DNAJB12: variants seen among roughly 807,000 people sequenced by gnomAD.
The protein encoded by DNAJB12 is DnaJ heat shock protein family (Hsp40) member B12.
A neutral mutation model predicts 40.6 loss-of-function variants in DNAJB12; 14 were observed. The ratio of observed to expected loss-of-function variants is 0.34; its 90% CI spans 0.23 to 0.54. DNAJB12 has a LOEUF of 0.54. DNAJB12 is among the 20% of genes least tolerant of loss of function. The probability of loss-of-function intolerance (pLI) is 0.92; values close to 1 mark genes in which losing one functional copy is unlikely to be tolerated. For missense variants in DNAJB12, 444 were observed against 501.7 expected (o/e 0.89, Z 1.10); for synonymous variants, 181 against 199.5 (o/e 0.91, Z 0.78).
rs1461121349 is a variant in DNAJB12, at chr10:72,333,702, T to C, written c.*946A>G. ...TAGATCCTGGCCCCCTCTGCAGGCC[T>C]TCCCTTCTGTGGGCAGGGGGCTGGA... On this transcript the variant is annotated 3_prime_UTR_variant, in exon 9 of 9. Transcript: ENST00000444643. 2 of 152,690 alleles carry C rather than the reference T, an allele frequency of 1.3e-5. No homozygotes were observed. Among genetic ancestry groups the C allele is most frequent in the Admixed American group, 6.5e-5 (1 of 15,274 alleles). The allele number at this position is 152,690 out of a possible 1,614,324, so 9.5% of individuals were successfully genotyped here. A position where few individuals can be genotyped will look rare whatever the true frequency, so the allele number is the denominator to read the frequency against.
Position 72,334,575 on chromosome 10 carries a change from G to A in DNAJB12, c.*73C>T. The A allele has an allele frequency of 6.5e-7, 1 of 1,535,304 alleles. No homozygotes were observed. The highest frequency in any genetic ancestry group is 8.7e-7 in the Non-Finnish European group (1 of 1,146,646). On this transcript the variant is annotated 3_prime_UTR_variant, in exon 9 of 9. Transcript: ENST00000444643. ...CCTCAAATATACAGTCCATCACCTT[G>A]GCTCAGTGCATGTCACCAAAAATTC...
At chr10:72,350,931 T>C (rs1861920298) in intron 1 of DNAJB12, among the ~76,000 whole-genome samples, 1 of 152,202 alleles carries the variant, frequency 6.6e-6, no homozygotes, top group Non-Finnish European at 1.5e-5. Flanking sequence ...CTCTCACTCC[T>C]GGACTCTGAA....
Position 72,338,557 on chromosome 10 carries a change from C to A in DNAJB12, c.724-246G>T, listed in dbSNP as rs1187837561. ...TCTGCATTTACTTTTGACAGAATGC[C>A]AAAAAAAAAAAAAAATCAGCAAAAG... On this transcript the variant is annotated intron_variant, in intron 5 of 8. Coordinates refer to ENST00000444643, the MANE Select transcript of DNAJB12 (RefSeq NM_017626.7). 4.0e-3 allele frequency among the ~76,000 whole-genome samples: 487 copies of A among 121,492 alleles called. 2 individuals are homozygous for A. Among genetic ancestry groups the A allele is most frequent in the African/African-American group, 0.011 (381 of 34,258 alleles). The allele number at this position is 121,492 out of a possible 152,430, so 79.7% of individuals were successfully genotyped here.
At chr10:72,347,517 T>A (rs1861821727) in intron 1 of DNAJB12, among the ~76,000 whole-genome samples, 1 of 152,244 alleles carries the variant, frequency 6.6e-6, no homozygotes, top group Non-Finnish European at 1.5e-5. Flanking sequence ...TTGCTATTTT[T>A]CACATTTTTC....
At chr10:72,345,628 T>C (rs1861766219) in intron 1 of DNAJB12, among the ~76,000 whole-genome samples, 2 of 148,862 alleles carry the variant, frequency 1.3e-5, no homozygotes, top group African/African-American at 2.5e-5. Flanking sequence ...ATCCCAGCAC[T>C]TTGGGAGGCT....
Position 72,354,681 on chromosome 10 carries a change from TC to T in DNAJB12, c.133+83del, listed in dbSNP as rs1330078531. ...AGCCGCGCCTCGCCACCCCTCCCCCTCCCCCAACTGCTCCCGTCGGTCCGTT... is the reference window on the plus strand; with the variant it reads ...AGCCGCGCCTCGCCACCCCTCCCCCTCCCCAACTGCTCCCGTCGGTCCGTT... On this transcript the variant is annotated intron_variant, in intron 1 of 8. Transcript: ENST00000444643. 38 of 866,838 alleles carry T rather than the reference TC, an allele frequency of 4.4e-5. No individual in the cohort carries two copies. In the Middle Eastern group the frequency reaches 2.2e-3, roughly 49 times the overall value. The allele number at this position is 866,838 out of a possible 1,614,324, so 53.7% of individuals were successfully genotyped here. A position where few individuals can be genotyped will look rare whatever the true frequency, so the allele number is the denominator to read the frequency against.
In DNAJB12 at chr10:72,335,142, G is replaced by T. The variant is rs1444249825; in HGVS notation, c.*31-525C>A. The T allele has an allele frequency of 1.3e-5, 13 of 988,792 alleles. No individual in the cohort carries two copies. The highest frequency in any genetic ancestry group is 4.6e-5 in the South Asian group (1 of 21,912). 61.3% of individuals were successfully genotyped at this position (988,792 alleles called of 1,614,324 possible). A position where few individuals can be genotyped will look rare whatever the true frequency, so the allele number is the denominator to read the frequency against. The stretch of plus-strand genomic sequence containing the variant: ...GCCTGTGGCTTCCAGGCTGCCAGGT[G>T]TGACGGCATTCGAGAGAGTGCCTCA... On this transcript the variant is annotated intron_variant, in intron 8 of 8. Transcript: ENST00000444643. This position sits in a 1 kb window ranked among gnomAD's most constrained non-coding sequence, Gnocchi z 4.4.
At chr10:72,344,854 G>T in intron 2 of DNAJB12, 96 bp downstream of exon 2, 1 of 1,445,486 alleles carries the variant, frequency 6.9e-7, no homozygotes, top group Non-Finnish European at 9.7e-7. Flanking sequence ...AGGGCCCTGT[G>T]CTGCCCACAG....
intron 3 of DNAJB12, among the ~76,000 whole-genome samples, chr10:72,341,921 T>C (rs1032954633): frequency 1.3e-5 from 2 of 152,226 alleles, no homozygotes; most frequent in African/African-American, 4.8e-5. Context: ...TCAAGTTCTC[T>C]CTCCGACTTT....
rs1252706090 is a variant in DNAJB12, at chr10:72,343,431, C to T, written c.392G>A (p.Arg131His). The change falls in exon 3 of 9, where the codon CGC (arginine) becomes CAC (histidine). Residue 131 changes from arginine to histidine, a missense_variant. Physicochemically the swap from Arg to His is conservative, Grantham distance 29. Transcript: ENST00000444643. ...TGGGTGGAATTTGAGGGCCAGTCTG[C>T]GGTAGGCCTTCTTCAGGTCCTCATC... ...ASDEDLKKAY[R>H]RLALKFHPDK... 22 of 1,614,054 alleles carry T rather than the reference C, an allele frequency of 1.4e-5. No homozygotes were observed. Among genetic ancestry groups the T allele is most frequent in the East Asian group, 4.5e-5 (2 of 44,898 alleles).
rs1478759308 is a variant in DNAJB12, at chr10:72,340,875, G to A, written c.644-7C>T. 5.6e-6 allele frequency: 9 copies of A among 1,613,768 alleles called. No individual in the cohort carries two copies. The highest frequency in any genetic ancestry group is 1.3e-5 in the African/African-American group (1 of 74,942). ...CTGTAGACGTGGACGTTACCTGGGG[G>A]TCAGAGGGGCTGAGTCAGGAGCCAG... On this transcript the variant is annotated splice_region_variant and splice_polypyrimidine_tract_variant and intron_variant, in intron 4 of 8. Transcript: ENST00000444643.
At chr10:72,342,547 A>G (rs755545827) in intron 3 of DNAJB12, among the ~76,000 whole-genome samples, 75 of 152,126 alleles carry the variant, frequency 4.9e-4, no homozygotes, top group Admixed American at 2.2e-3. Flanking sequence ...ACTGCACACC[A>G]GGTCTCGGAG....
chr10:72,338,297 C>T lies in DNAJB12; in HGVS notation c.738G>A (p.Val246=), dbSNP rs200362645. ...TGAGGATAGGCATCAGCTGCACAAACACCCCTAGCCCGCCCTGGAGGGAAG... is the reference window on the plus strand; with the variant it reads ...TGAGGATAGGCATCAGCTGCACAAATACCCCTAGCCCGCCCTGGAGGGAAG... ...RDNQGDGGLG[V]FVQLMPILIL... The change falls in exon 6 of 9, where the codon GTG becomes GTA. Residue 246 remains valine, a synonymous_variant. Transcript: ENST00000444643. The T allele has an allele frequency of 2.4e-5, 39 of 1,614,050 alleles. No homozygotes were observed. In the South Asian group the frequency reaches 2.6e-4, roughly 11 times the overall value.
At position 72,340,161 on chromosome 10, in the gene DNAJB12, A is replaced by G. The variant is rs979962620; in HGVS notation, c.723+628T>C. On this transcript the variant is annotated intron_variant, in intron 5 of 8. Transcript: ENST00000444643. ...GGAGTTCAAGGCCAGCCTGGCCAAC[A>G]TGGTGAAACCCCATCTCTACTAAAA... is the stretch of plus-strand genomic sequence containing the variant. Among the ~76,000 whole-genome samples, 4 of 151,826 alleles carry G rather than the reference A, an allele frequency of 2.6e-5. 1 individual carries two copies. Among genetic ancestry groups the G allele is most frequent in the South Asian group, 4.2e-4 (2 of 4,774 alleles).
intron 1 of DNAJB12, 34 bp downstream of exon 1, chr10:72,354,731 A>G (rs1862023333): frequency 2.5e-6 from 4 of 1,569,370 alleles, no homozygotes; most frequent in South Asian, 1.1e-5. Context: ...CATCAGTTCT[A>G]ATGTCCCCAG....
At position 72,333,353 on chromosome 10, in the gene DNAJB12, C is replaced by T. The variant is rs552092608; in HGVS notation, c.*1295G>A. 6.6e-6 allele frequency: 1 copy of T among 152,286 alleles called. No homozygotes were observed. Among genetic ancestry groups the T allele is most frequent in the East Asian group, 1.9e-4 (1 of 5,186 alleles). The allele number at this position is 152,286 out of a possible 1,614,324, so 9.4% of individuals were successfully genotyped here. The stretch of plus-strand genomic sequence containing the variant: ...TCCCTCCTCCCACTGGCGGCAAGTG[C>T]TGTTTTAAGCAAAATCCTCATTTCA... On this transcript the variant is annotated 3_prime_UTR_variant, in exon 9 of 9. Transcript: ENST00000444643.
At chr10:72,339,500 C>A (rs1284877565) in intron 5 of DNAJB12, among the ~76,000 whole-genome samples, 1 of 151,120 alleles carries the variant, frequency 6.6e-6, no homozygotes, top group East Asian at 2.0e-4. Flanking sequence ...TGCCACTGCA[C>A]TCCGGCATGG....
rs1861616572 is a variant in DNAJB12, at chr10:72,340,887, G to C, written c.644-19C>G. 6.2e-7 allele frequency: 1 copy of C among 1,612,998 alleles called. No individual in the cohort carries two copies. The highest frequency in any genetic ancestry group is 8.5e-7 in the Non-Finnish European group (1 of 1,179,398). ...ACGTTACCTGGGGGTCAGAGGGGCTGAGTCAGGAGCCAGGTCTGTTGGGAA... is the reference window on the plus strand; with the variant it reads ...ACGTTACCTGGGGGTCAGAGGGGCTCAGTCAGGAGCCAGGTCTGTTGGGAA... On this transcript the variant is annotated intron_variant, in intron 4 of 8. Coordinates refer to ENST00000444643, the MANE Select transcript of DNAJB12 (RefSeq NM_017626.7).
At chr10:72,337,641 G>C (rs1861513960) in intron 6 of DNAJB12, among the ~76,000 whole-genome samples, 1 of 152,192 alleles carries the variant, frequency 6.6e-6, no homozygotes, top group Non-Finnish European at 1.5e-5. Flanking sequence ...TTATAGATGA[G>C]GAAACCAAGG....
Sources: allele counts gnomAD v4.1 joint callset (sites outside exome capture counted in the v4.1 genomes callset), GRCh38; gene constraint gnomAD v4.1.1; non-coding constraint Gnocchi (gnomAD v3.1); transcripts MANE v1.5; gene names NCBI Gene and HGNC (gene_info 2026-07-23, HGNC 2026-07-21).